Variants in PTPN14 observed in about 807,000 individuals in gnomAD.
PTPN14 encodes the protein tyrosine-protein phosphatase non-receptor type 14.
In PTPN14, 53 loss-of-function variants were observed where a neutral mutation model predicts 126.8. The ratio of observed to expected loss-of-function variants is 0.42; its 90% confidence interval spans 0.34 to 0.53. The LOEUF is 0.53. Ranked by LOEUF, PTPN14 falls within the 20% of genes least tolerant of loss-of-function variation. The pLI is 0.08. For missense variants in PTPN14, 1,257 were observed against 1,552.9 expected (o/e 0.81, Z 3.20); for synonymous variants, 630 against 599.3 (o/e 1.05, Z -0.75).
rs527962430 is a variant in PTPN14, at chr1:214,426,772, A to G, written c.345-12046T>C. Among the ~76,000 whole-genome samples the G allele has an allele frequency of 5.9e-5, 9 of 152,314 alleles. No individual in the cohort carries two copies. The South Asian group carries it at 1.9e-3, about 32-fold the overall frequency. Reference sequence around the variant, plus strand: ...TTAGAAACCAGAATAGGAGCGCATTAAATGTCTCTTTAGGAACCAAAAATT... The same window carrying G: ...TTAGAAACCAGAATAGGAGCGCATTGAATGTCTCTTTAGGAACCAAAAATT... On this transcript the variant is annotated intron_variant, in intron 3 of 18. Transcript: ENST00000366956.
rs1278538933 is a variant in PTPN14, at chr1:214,383,850, T to C, written c.2005A>G (p.Asn669Asp). The change falls in exon 13 of 19, where the codon AAC becomes GAC. Residue 669 changes from asparagine to aspartate, a missense_variant. Around this residue, in one of 3 missense-constraint regions of PTPN14, gnomAD observed 1,021 missense variants for 1,183.3 expected, o/e 0.86. Transcript: ENST00000366956. The surrounding 1 kb of genome is among the most constrained non-coding windows in gnomAD (Gnocchi z 4.4). Reference protein sequence around the residue: ...KSLHLPMARRNTLREQGPPEE... With the variant: ...KSLHLPMARRDTLREQGPPEE... ...GGCGGTCCCTGCTCCCGGAGCGTGT[T>C]GCGGCGAGCCATGGGGAGGTGGAGC... 1 of 1,612,642 alleles carries C rather than the reference T, an allele frequency of 6.2e-7. No homozygotes were observed. The highest frequency in any genetic ancestry group is 2.2e-5 in the East Asian group (1 of 44,866).
intron 3 of PTPN14, among the ~76,000 whole-genome samples, chr1:214,432,040 C>T (rs1474953622): frequency 6.6e-6 from 1 of 152,066 alleles, no homozygotes; most frequent in Non-Finnish European, 1.5e-5. Context: ...AAAAAATTAG[C>T]CAGGCATGGT....
At position 214,354,435 on chromosome 1, in the gene PTPN14, T is replaced by C. The variant is rs186287793; in HGVS notation, c.*3487A>G. 2.6e-5 allele frequency: 4 copies of C among 152,342 alleles called. No homozygotes were observed. In the East Asian group the frequency reaches 7.7e-4, roughly 29 times the overall value. 9.4% of individuals were successfully genotyped at this position (152,342 alleles called of 1,614,324 possible). ...CAACTAAATCCTCCTTTACTTCCTA[T>C]CTGGGGAAAGAAGTGCATACCAATG... On this transcript the variant is annotated 3_prime_UTR_variant, in exon 19 of 19. Transcript: ENST00000366956.
intron 2 of PTPN14, among the ~76,000 whole-genome samples, chr1:214,462,837 T>A (rs956038714): frequency 6.6e-6 from 1 of 152,252 alleles, no homozygotes. Context: ...GGTTGTTCAA[T>A]ATTTTCTTTA....
At chr1:214,392,088 G>A (rs1197891456) in intron 10 of PTPN14, among the ~76,000 whole-genome samples, 1 of 152,142 alleles carries the variant, frequency 6.6e-6, no homozygotes, top group African/African-American at 2.4e-5. Flanking sequence ...GGAGAAGGAT[G>A]CTGTTAAGAT....
intron 1 of PTPN14, among the ~76,000 whole-genome samples, chr1:214,488,360 A>G (rs1322871703): frequency 6.6e-6 from 1 of 152,232 alleles, no homozygotes; most frequent in Admixed American, 6.5e-5. Flanking sequence ...TGTTTAAGAC[A>G]GACACAGCTG....
intron 15 of PTPN14, among the ~76,000 whole-genome samples, chr1:214,373,558 AACACACAC>A (rs10562157): frequency 0.085 from 11,776 of 138,472 alleles, 813 homozygotes; most frequent in African/African-American, 0.19. Flanking sequence ...ATTTCATTGA[AACACACAC>A]ACACACACAC....
At chr1:214,507,446 A>G (rs1424369630) in intron 1 of PTPN14, among the ~76,000 whole-genome samples, 1 of 152,198 alleles carries the variant, frequency 6.6e-6, no homozygotes, top group African/African-American at 2.4e-5. Flanking sequence ...CACAGCATAT[A>G]TACCTTTTTA....
intron 17 of PTPN14, among the ~76,000 whole-genome samples, chr1:214,365,744 C>T (rs952790662): frequency 1.3e-5 from 2 of 152,078 alleles, no homozygotes; most frequent in Non-Finnish European, 2.9e-5. Flanking sequence ...AAGTGCTTTA[C>T]CAAAAAACCA....
intron 1 of PTPN14, among the ~76,000 whole-genome samples, chr1:214,485,129 C>T (rs1661082956): frequency 1.3e-5 from 2 of 152,142 alleles, no homozygotes; most frequent in African/African-American, 4.8e-5. Context: ...GCTAATTATC[C>T]TGGAAGGACA....
chr1:214,389,947 AT>A lies in PTPN14; in HGVS notation c.987+1040del, dbSNP rs564264073. ...TGTGCATAATACTGAGAGAAATAAT[AT>A]TCACACAGGCACTCAGGAATTACTG... On this transcript the variant is annotated intron_variant, in intron 11 of 18. Transcript: ENST00000366956. 3.3e-4 allele frequency among the ~76,000 whole-genome samples: 50 copies of A among 152,360 alleles called. No individual in the cohort carries two copies. In the Middle Eastern group the frequency reaches 0.01, roughly 31 times the overall value.
intron 7 of PTPN14, among the ~76,000 whole-genome samples, chr1:214,401,107 C>G (rs1289384832): frequency 6.6e-6 from 1 of 152,004 alleles, no homozygotes; most frequent in African/African-American, 2.4e-5. Context: ...GATCCATGAC[C>G]CCCCCAACCA....
intron 1 of PTPN14, among the ~76,000 whole-genome samples, chr1:214,520,724 T>C (rs949677878): frequency 2.0e-5 from 3 of 152,130 alleles, no homozygotes; most frequent in African/African-American, 7.2e-5. Flanking sequence ...CTTTCCTCCA[T>C]CACTCTGACT....
chr1:214,443,874 A>C (rs1660086559), intron 3 of PTPN14, among the ~76,000 whole-genome samples: 1 of 152,230 alleles, frequency 6.6e-6, no homozygotes, highest in Admixed American at 6.5e-5. Context: ...TCCTGGAAGT[A>C]AATAGGGTCA....
chr1:214,471,118 GA>G (rs1354998679), intron 1 of PTPN14, among the ~76,000 whole-genome samples: 6 of 149,432 alleles, frequency 4.0e-5, no homozygotes, highest in Non-Finnish European at 5.9e-5. Flanking sequence ...ACCTTTCCGT[GA>G]TGAAAGTAAT....
chr1:214,543,161 A>G (rs1655883413), intron 1 of PTPN14, among the ~76,000 whole-genome samples: 1 of 152,160 alleles, frequency 6.6e-6, no homozygotes, highest in Non-Finnish European at 1.5e-5. Flanking sequence ...TCTTTTCTAT[A>G]TGATACAAAA....
chr1:214,532,923 G>C, intron 1 of PTPN14: 1 of 851,272 alleles, frequency 1.2e-6, no homozygotes, highest in Non-Finnish European at 2.0e-6. Flanking sequence ...CCACGATCAT[G>C]GCAGACATCT....
chr1:214,498,874 T>C (rs1018295910), intron 1 of PTPN14, among the ~76,000 whole-genome samples: 4 of 152,168 alleles, frequency 2.6e-5, no homozygotes, highest in Non-Finnish European at 4.4e-5. Context: ...AGTGGTGTGA[T>C]CATAGCTTAT....
intron 8 of PTPN14, 137 bp from the exon 9 acceptor site, chr1:214,395,123 T>C (rs1196971199): frequency 1.2e-6 from 1 of 801,478 alleles, no homozygotes. Context: ...AAATGTTCTT[T>C]CAAACGAGAA....
Sources: gnomAD v4.1 joint callset for allele counts (sites outside exome capture counted in the v4.1 genomes callset) on GRCh38, gnomAD v4.1.1 for gene constraint, gnomAD v4.1.1 regional missense constraint, Gnocchi (gnomAD v3.1) non-coding constraint, MANE v1.5 for transcripts, NCBI Gene and HGNC (gene_info 2026-07-23, HGNC 2026-07-21) for gene names.